The following PLCH1 variants were observed in gnomAD, a reference collection of about 807,000 sequenced individuals.
The protein encoded by PLCH1 is phospholipase C eta 1.
In PLCH1, 60 loss-of-function variants were observed where a neutral mutation model predicts 126.7. That is an observed-to-expected ratio of 0.47 (90% CI 0.38 to 0.59). The LOEUF is 0.59. Ranked by LOEUF, PLCH1 falls within the 20% of genes least tolerant of loss-of-function variation. The pLI is 0.00. For missense variants in PLCH1, 1,723 were observed against 2,040.0 expected (o/e 0.84, Z 2.99); for synonymous variants, 719 against 734.9 (o/e 0.98, Z 0.35).
intron 8 of PLCH1, among the ~76,000 whole-genome samples, chr3:155,561,570 T>C (rs1408809441): frequency 1.3e-5 from 2 of 151,960 alleles, no homozygotes; most frequent in Non-Finnish European, 1.5e-5. Flanking sequence ...CCTTTGCTAT[T>C]GTGAATAATG....
intron 2 of PLCH1, among the ~76,000 whole-genome samples, chr3:155,621,438 G>A (rs1736480516): frequency 6.6e-6 from 1 of 152,170 alleles, no homozygotes; most frequent in South Asian, 2.1e-4. Context: ...GTAGGCTTCA[G>A]AAGGTGAGTA....
chr3:155,737,674 G>A (rs1749297698), intron 1 of PLCH1, among the ~76,000 whole-genome samples: 1 of 152,134 alleles, frequency 6.6e-6, no homozygotes, highest in South Asian at 2.1e-4. Flanking sequence ...TCAAAGATAA[G>A]AAAGAGCTAT....
At chr3:155,581,199 G>A (rs900341634) in intron 6 of PLCH1, among the ~76,000 whole-genome samples, 5 of 152,088 alleles carry the variant, frequency 3.3e-5, no homozygotes, top group Admixed American at 1.3e-4. Context: ...GGGGTTCTGT[G>A]GTAGAATTTT....
At chr3:155,514,342 G>A (rs1266480935) in intron 12 of PLCH1, among the ~76,000 whole-genome samples, 1 of 152,190 alleles carries the variant, frequency 6.6e-6, no homozygotes, top group African/African-American at 2.4e-5. Flanking sequence ...CCTTCTGCCT[G>A]AAGAGCCCTC....
intron 3 of PLCH1, 95 bp from the exon 4 acceptor site, chr3:155,594,279 TTAAAAA>T: frequency 8.2e-7 from 1 of 1,226,654 alleles, no homozygotes. Flanking sequence ...ATTTTAAATA[TTAAAAA>T]TAAGTATGAG....
At chr3:155,653,699 A>G (rs1282647757) in intron 2 of PLCH1, among the ~76,000 whole-genome samples, 1 of 152,134 alleles carries the variant, frequency 6.6e-6, no homozygotes, top group Admixed American at 6.5e-5. Flanking sequence ...CTCTTCACTG[A>G]TAACTTTGCT....
At chr3:155,622,450 T>A (rs1346694357) in intron 2 of PLCH1, among the ~76,000 whole-genome samples, 8 of 152,246 alleles carry the variant, frequency 5.3e-5, no homozygotes, top group Non-Finnish European at 1.2e-4. Flanking sequence ...TGCCCCCAGT[T>A]AAAGACACAG....
chr3:155,567,707 T>C (rs1350359244), intron 7 of PLCH1, among the ~76,000 whole-genome samples: 1 of 152,218 alleles, frequency 6.6e-6, no homozygotes, highest in African/African-American at 2.4e-5. Context: ...ATTCTGGGTA[T>C]ATAACTGTGG....
At chr3:155,557,391 G>A (rs1020883599) in intron 8 of PLCH1, among the ~76,000 whole-genome samples, 15 of 152,266 alleles carry the variant, frequency 9.9e-5, no homozygotes, top group South Asian at 2.1e-4. Context: ...TACCTTGCCC[G>A]ACTTGCTTAT....
chr3:155,591,300 T>C (rs1206463096), intron 4 of PLCH1, among the ~76,000 whole-genome samples: 2 of 152,304 alleles, frequency 1.3e-5, no homozygotes, highest in African/African-American at 4.8e-5. Flanking sequence ...CCATGTACTT[T>C]AATGATGAGT....
chr3:155,466,283 G>GGAGA (rs1271614454), intron 21 of PLCH1, among the ~76,000 whole-genome samples: 1 of 152,044 alleles, frequency 6.6e-6, no homozygotes, highest in African/African-American at 2.4e-5. Context: ...TTAGAACAGA[G>GGAGA]GAGAGAGAGA....
At chr3:155,517,455 C>T (rs1478561469) in intron 11 of PLCH1, among the ~76,000 whole-genome samples, 2 of 152,192 alleles carry the variant, frequency 1.3e-5, no homozygotes, top group Non-Finnish European at 2.9e-5. Context: ...GCTACACTCC[C>T]TCTGAAAGCT....
At chr3:155,703,764 C>A (rs1746447764) in intron 2 of PLCH1, among the ~76,000 whole-genome samples, 1 of 152,178 alleles carries the variant, frequency 6.6e-6, no homozygotes, top group East Asian at 1.9e-4. Flanking sequence ...GAAGGCCATG[C>A]TATGCTGGTA....
chr3:155,741,256 A>G (rs1749598220), intron 1 of PLCH1, among the ~76,000 whole-genome samples: 1 of 152,216 alleles, frequency 6.6e-6, no homozygotes, highest in South Asian at 2.1e-4. Context: ...GACCAAAGCC[A>G]GCCTGGAATA....
At chr3:155,735,250 C>T (rs1403788096) in intron 1 of PLCH1, among the ~76,000 whole-genome samples, 1 of 151,996 alleles carries the variant, frequency 6.6e-6, no homozygotes, top group Non-Finnish European at 1.5e-5. Context: ...TCAAAGGATA[C>T]AAAATTTTGG....
At chr3:155,512,677 C>T (rs16825055) in intron 12 of PLCH1, among the ~76,000 whole-genome samples, 11,653 of 152,158 alleles carry the variant, frequency 0.077, 479 homozygotes, top group South Asian at 0.088. Context: ...CGTGTGGACT[C>T]CTACACATGC....
intron 11 of PLCH1, among the ~76,000 whole-genome samples, chr3:155,517,367 A>G (rs1416639759): frequency 6.6e-6 from 1 of 152,178 alleles, no homozygotes; most frequent in Non-Finnish European, 1.5e-5. Context: ...TACAAACCTG[A>G]TATCTTAAAA....
At chr3:155,740,218 C>A (rs1749515282) in intron 1 of PLCH1, among the ~76,000 whole-genome samples, 1 of 152,106 alleles carries the variant, frequency 6.6e-6, no homozygotes, top group African/African-American at 2.4e-5. Context: ...CGAGACCAGT[C>A]TGGCCAACAT....
At chr3:155,671,465 T>C (rs1743445579) in intron 2 of PLCH1, among the ~76,000 whole-genome samples, 1 of 152,198 alleles carries the variant, frequency 6.6e-6, no homozygotes, top group Non-Finnish European at 1.5e-5. Context: ...ATGTAAGTAA[T>C]CACAGTAATG....
Sources: allele counts gnomAD v4.1 joint callset (sites outside exome capture counted in the v4.1 genomes callset), GRCh38; gene constraint gnomAD v4.1.1; transcripts MANE v1.5; gene names NCBI Gene and HGNC (gene_info 2026-07-23, HGNC 2026-07-21).